Variants in ACCSL observed in about 807,000 individuals in gnomAD.
ACCSL encodes 1-aminocyclopropane-1-carboxylate synthase homolog (inactive) like.
A neutral mutation model predicts 61.7 loss-of-function variants in ACCSL; 55 were observed. The observed-to-expected ratio is 0.89, with a 90% CI of 0.72 to 1.12. The LOEUF (loss-of-function observed/expected upper bound fraction) is 1.12. Among genes scored for constraint, ACCSL ranks in the 50% most tolerant of loss-of-function variants. The probability of loss-of-function intolerance (pLI) is 0.00; values close to 1 mark genes in which losing one functional copy is unlikely to be tolerated. For synonymous variants in ACCSL, 258 were observed against 264.3 expected (o/e 0.98, Z 0.23); for missense variants, 632 against 698.0 (o/e 0.91, Z 1.07).
the ACCSL span, among the ~76,000 whole-genome samples, chr11:44,026,581 T>G: frequency 6.6e-6 from 1 of 152,232 alleles, no homozygotes; most frequent in Non-Finnish European, 1.5e-5. Flanking sequence ...GTATAGGCCA[T>G]ACTTTCCTGT....
At chr11:44,010,501 C>T in the ACCSL span, among the ~76,000 whole-genome samples, 1 of 152,150 alleles carries the variant, frequency 6.6e-6, no homozygotes, top group African/African-American at 2.4e-5. Context: ...ACTTATATGA[C>T]TGGCAAAACT....
At chr11:44,054,939 C>T (rs1031945709) in intron 8 of ACCSL, among the ~76,000 whole-genome samples, 1 of 152,148 alleles carries the variant, frequency 6.6e-6, no homozygotes, top group Non-Finnish European at 1.5e-5. Flanking sequence ...AAGATGTTCT[C>T]ATATGTGTCT....
chr11:43,928,524 T>C, the ACCSL span, among the ~76,000 whole-genome samples: 2 of 152,152 alleles, frequency 1.3e-5, no homozygotes, highest in Admixed American at 6.5e-5. Context: ...GAGGAAACAG[T>C]CTGTGCTGCA....
the ACCSL span, among the ~76,000 whole-genome samples, chr11:43,984,120 GA>G: frequency 1.1e-3 from 157 of 146,228 alleles, 1 homozygote; most frequent in East Asian, 5.8e-3. Context: ...CCATATAAAA[GA>G]AAAAAAAAAC....
At chr11:43,978,782 GGTTTTT>G in the ACCSL span, among the ~76,000 whole-genome samples, 1 of 116,830 alleles carries the variant, frequency 8.6e-6, no homozygotes, top group East Asian at 2.6e-4. Context: ...TGAGAAGGTG[GGTTTTT>G]TTTTTTTTTT....
chr11:44,034,215 G>T, the ACCSL span, among the ~76,000 whole-genome samples: 1 of 152,176 alleles, frequency 6.6e-6, no homozygotes, highest in Non-Finnish European at 1.5e-5. Context: ...TGGGACTGTG[G>T]GTCTTCATGA....
At chr11:43,941,033 G>A in the ACCSL span, among the ~76,000 whole-genome samples, 3 of 152,158 alleles carry the variant, frequency 2.0e-5, no homozygotes, top group Non-Finnish European at 1.5e-5. Context: ...GAAATGTATG[G>A]TATTTGTTAC....
chr11:44,051,791 A>T, intron 5 of ACCSL, 72 bp downstream of exon 5: 1 of 1,574,150 alleles, frequency 6.4e-7, no homozygotes, highest in South Asian at 1.1e-5. Flanking sequence ...CGGGCACTGG[A>T]CTTTGAGGAA....
At chr11:44,024,018 A>G in the ACCSL span, among the ~76,000 whole-genome samples, 5 of 152,172 alleles carry the variant, frequency 3.3e-5, no homozygotes, top group African/African-American at 4.8e-5. Flanking sequence ...GGCAATGGGT[A>G]TACAGATTAT....
At chr11:44,046,967 T>C (rs764298540), upstream of ACCSL, among the ~76,000 whole-genome samples, 2 of 152,086 alleles carry the variant, frequency 1.3e-5, no homozygotes, top group Non-Finnish European at 2.9e-5. Context: ...CAGTAAGCCA[T>C]AATCATGCCA....
chr11:44,046,796 A>G (rs1952600722), upstream of ACCSL, among the ~76,000 whole-genome samples: 1 of 152,182 alleles, frequency 6.6e-6, no homozygotes, highest in African/African-American at 2.4e-5. Context: ...GATTGTCTTA[A>G]AGAAGTAGTG....
chr11:43,982,767 G>A, the ACCSL span, among the ~76,000 whole-genome samples: 2 of 152,198 alleles, frequency 1.3e-5, no homozygotes, highest in African/African-American at 2.4e-5. Flanking sequence ...CATTCCTCCT[G>A]TGGAGGTTCA....
the ACCSL span, among the ~76,000 whole-genome samples, chr11:44,012,893 C>T: frequency 2.0e-5 from 3 of 152,322 alleles, no homozygotes; most frequent in African/African-American, 7.2e-5. Flanking sequence ...CCTAACTCAA[C>T]AACGTTCCTT....
At chr11:43,962,286 C>T in the ACCSL span, among the ~76,000 whole-genome samples, 41 of 152,318 alleles carry the variant, frequency 2.7e-4, no homozygotes, top group Admixed American at 8.5e-4. Flanking sequence ...GTGAAATTCT[C>T]TCCTGCAATA....
At chr11:44,010,679 G>A in the ACCSL span, among the ~76,000 whole-genome samples, 1 of 152,156 alleles carries the variant, frequency 6.6e-6, no homozygotes, top group Non-Finnish European at 1.5e-5. Flanking sequence ...AATTGTACAT[G>A]GTCTGGTGCT....
chr11:44,052,938 G>GA, intron 6 of ACCSL, 53 bp from the exon 7 acceptor site: 1 of 1,564,892 alleles, frequency 6.4e-7, no homozygotes, highest in Non-Finnish European at 8.8e-7. Flanking sequence ...TGGGAATGAG[G>GA]AATCAAGACT....
chr11:43,985,978 TAAAC>T, the ACCSL span, among the ~76,000 whole-genome samples: 5 of 122,698 alleles, frequency 4.1e-5, no homozygotes, highest in African/African-American at 1.1e-4. Flanking sequence ...ATATATATAA[TAAAC>T]AAACAAACAA....
At chr11:43,940,599 A>C in the ACCSL span, among the ~76,000 whole-genome samples, 1 of 151,074 alleles carries the variant, frequency 6.6e-6, no homozygotes, top group Admixed American at 6.6e-5. Context: ...TGACCTTGTG[A>C]TCCGTCCGCC....
the ACCSL span, among the ~76,000 whole-genome samples, chr11:43,988,776 G>C: frequency 6.7e-6 from 1 of 150,098 alleles, no homozygotes; most frequent in Non-Finnish European, 1.5e-5. Flanking sequence ...CTAATCCTAG[G>C]AGACCATTTC....
Sources: gnomAD v4.1 joint callset for allele counts (sites outside exome capture counted in the v4.1 genomes callset) on GRCh38, gnomAD v4.1.1 for gene constraint, MANE v1.5 for transcripts, NCBI Gene and HGNC (gene_info 2026-07-23, HGNC 2026-07-21) for gene names.